Variants in UNC5D observed in about 807,000 individuals in gnomAD.
UNC5D encodes unc-5 netrin receptor D, also known as netrin receptor UNC5D.
A neutral mutation model predicts 105.4 loss-of-function variants in UNC5D; 39 were observed. The observed-to-expected ratio is 0.37, with a 90% confidence interval of 0.29 to 0.48. The LOEUF (loss-of-function observed/expected upper bound fraction) is 0.48, where lower values mean the gene tolerates loss of function less well. UNC5D is among the 20% of genes least tolerant of loss of function. The pLI is 0.98. For synonymous variants in UNC5D, 452 were observed against 450.4 expected (o/e 1.00, Z -0.04); for missense variants, 991 against 1,202.4 (o/e 0.82, Z 2.60).
chr8:35,539,181 C>G (rs900496919), intron 1 of UNC5D, among the ~76,000 whole-genome samples: 9 of 151,846 alleles, frequency 5.9e-5, no homozygotes, highest in African/African-American at 2.2e-4. Context: ...ATTAAGTATA[C>G]ATCAGAAACA....
chr8:35,684,853 A>G, intron 6 of UNC5D, 104 bp downstream of exon 6: 1 of 1,394,510 alleles, frequency 7.2e-7, no homozygotes, highest in Non-Finnish European at 9.6e-7. Flanking sequence ...CCCTCTCCCA[A>G]GTTCTTAGAA....
intron 1 of UNC5D, among the ~76,000 whole-genome samples, chr8:35,468,709 C>T (rs1457950987): frequency 9.9e-5 from 15 of 152,170 alleles, no homozygotes. Flanking sequence ...GCAAATTGCT[C>T]TGGGACATTT....
In UNC5D at chr8:35,248,922, A is replaced by T. The variant is rs1298932913; in HGVS notation, c.103+13035A>T. On this transcript the variant is annotated intron_variant, in intron 1 of 16. Transcript: ENST00000404895. ...TATAATATATTATATATAAACATAT[A>T]TAATATAAATATATAATATATTATA... Among the ~76,000 whole-genome samples the T allele has an allele frequency of 5.3e-5, 5 of 93,594 alleles. No homozygotes were observed. The East Asian group carries it at 1.5e-3, about 28-fold the overall frequency. 61.4% of individuals were successfully genotyped at this position (93,594 alleles called of 152,430 possible).
chr8:35,721,868 T>C (rs916718615), intron 8 of UNC5D, among the ~76,000 whole-genome samples: 1 of 152,216 alleles, frequency 6.6e-6, no homozygotes, highest in African/African-American at 2.4e-5. Flanking sequence ...GTGTAAAAAG[T>C]GTTTTGCAGG....
chr8:35,584,926 T>C (rs1468171144), intron 3 of UNC5D, among the ~76,000 whole-genome samples: 1 of 152,226 alleles, frequency 6.6e-6, no homozygotes, highest in Non-Finnish European at 1.5e-5. Flanking sequence ...CTTTTTGGAA[T>C]ATGAATGATT....
At chr8:35,764,979 G>A (rs1188641759) in intron 14 of UNC5D, among the ~76,000 whole-genome samples, 2 of 152,234 alleles carry the variant, frequency 1.3e-5, no homozygotes, top group African/African-American at 2.4e-5. Context: ...CAAAACCTCT[G>A]TAGAGAGCCA....
intron 1 of UNC5D, among the ~76,000 whole-genome samples, chr8:35,269,847 G>A (rs1202506887): frequency 6.6e-6 from 1 of 152,142 alleles, no homozygotes; most frequent in African/African-American, 2.4e-5. Flanking sequence ...ACAGATGGGT[G>A]TGGAGATTCA....
chr8:35,404,329 C>A (rs1804666560), intron 1 of UNC5D, among the ~76,000 whole-genome samples: 1 of 152,014 alleles, frequency 6.6e-6, no homozygotes, highest in African/African-American at 2.4e-5. Flanking sequence ...ATACAATGTA[C>A]CATCCTGACA....
At chr8:35,598,490 C>T (rs996604167) in intron 4 of UNC5D, among the ~76,000 whole-genome samples, 16 of 152,102 alleles carry the variant, frequency 1.1e-4, no homozygotes, top group African/African-American at 2.7e-4. Flanking sequence ...ACAGTATGGA[C>T]GTTCCTCAGA....
intron 11 of UNC5D, among the ~76,000 whole-genome samples, chr8:35,740,869 C>G (rs1057096676): frequency 6.6e-6 from 1 of 152,090 alleles, no homozygotes; most frequent in Non-Finnish European, 1.5e-5. Flanking sequence ...GAGCCCCTCC[C>G]CAGCCTAAAA....
rs1256834110 is a variant in UNC5D at position 35,737,327 on chromosome 8, TAATTCCCAG to T, written c.1766+6237_1766+6245del. On this transcript the variant is annotated intron_variant, in intron 11 of 16. Transcript: ENST00000404895. ...TAATGTGTGATGAAGGAATTGAAGA[TAATTCCCAG>T]AATTCTGGCTCAGAAACTGATGATT... Among the ~76,000 whole-genome samples the T allele has an allele frequency of 4.7e-5, 7 of 149,806 alleles. No individual in the cohort carries two copies. The East Asian group carries it at 1.4e-3, about 30-fold the overall frequency.
At chr8:35,559,317 G>A (rs1816790377) in intron 2 of UNC5D, among the ~76,000 whole-genome samples, 1 of 152,138 alleles carries the variant, frequency 6.6e-6, no homozygotes, top group African/African-American at 2.4e-5. Context: ...CATCTTAGAG[G>A]GGAGGGATTC....
intron 1 of UNC5D, among the ~76,000 whole-genome samples, chr8:35,249,756 T>C (rs888542075): frequency 6.6e-6 from 1 of 152,070 alleles, no homozygotes; most frequent in Non-Finnish European, 1.5e-5. Flanking sequence ...TGATGATTCA[T>C]GTTGAAGCCA....
intron 1 of UNC5D, among the ~76,000 whole-genome samples, chr8:35,523,703 T>A: frequency 8.2e-6 from 1 of 121,826 alleles, no homozygotes; most frequent in Non-Finnish European, 1.7e-5. Context: ...TCCATTTATT[T>A]AATTAAAAAA....
chr8:35,529,066 G>A (rs1428431414), intron 1 of UNC5D, among the ~76,000 whole-genome samples: 2 of 134,450 alleles, frequency 1.5e-5, no homozygotes, highest in South Asian at 5.3e-4. Flanking sequence ...GATCCCATTT[G>A]TCAATTTTGG....
At chr8:35,317,247 T>C (rs1294846941) in intron 1 of UNC5D, among the ~76,000 whole-genome samples, 1 of 152,156 alleles carries the variant, frequency 6.6e-6, no homozygotes, top group Non-Finnish European at 1.5e-5. Context: ...TTATATGTAA[T>C]AAATAGATTG....
chr8:35,573,092 C>T (rs551403619), intron 3 of UNC5D, among the ~76,000 whole-genome samples: 1 of 152,226 alleles, frequency 6.6e-6, no homozygotes, highest in East Asian at 1.9e-4. Context: ...CGTGAGCCAC[C>T]GCGCCTAGCG....
intron 1 of UNC5D, among the ~76,000 whole-genome samples, chr8:35,449,561 C>A (rs1808013382): frequency 6.6e-6 from 1 of 152,128 alleles, no homozygotes; most frequent in Non-Finnish European, 1.5e-5. Flanking sequence ...AAACAATAAG[C>A]ACAACAGATT....
intron 15 of UNC5D, 51 bp downstream of exon 15, chr8:35,767,117 G>T: frequency 6.5e-7 from 1 of 1,548,854 alleles, no homozygotes; most frequent in Non-Finnish European, 8.7e-7. Context: ...AGGACGATAA[G>T]AATAATAAAG....
Sources: gnomAD v4.1 joint callset for allele counts (sites outside exome capture counted in the v4.1 genomes callset) on GRCh38, gnomAD v4.1.1 for gene constraint, MANE v1.5 for transcripts, NCBI Gene and HGNC (gene_info 2026-07-23, HGNC 2026-07-21) for gene names.